The following PCDH20 variants were observed in gnomAD, a reference collection of about 807,000 sequenced individuals.
The protein encoded by PCDH20 is protocadherin-20.
A neutral mutation model predicts 39.7 loss-of-function variants in PCDH20; 18 were observed. The ratio of observed to expected loss-of-function variants is 0.45; its 90% CI spans 0.31 to 0.67. PCDH20 has a LOEUF of 0.67. PCDH20 is among the 30% of genes least tolerant of loss of function. The probability of loss-of-function intolerance (pLI) is 0.05; values close to 1 mark genes in which losing one functional copy is unlikely to be tolerated. For missense variants in PCDH20, 1,161 were observed against 1,167.4 expected (o/e 0.99, Z 0.08); for synonymous variants, 495 against 455.4 (o/e 1.09, Z -1.11).
exon 2 of PCDH20, chr13:61,411,341 G>A (rs748468345): frequency 3.1e-6 from 5 of 1,613,730 alleles, no homozygotes; most frequent in Non-Finnish European, 4.2e-6. Flanking sequence ...TCTTCCCTGG[G>A]ATGCTTTTCC....
chr13:61,413,914 T>C (rs1871479157), exon 2 of PCDH20: 1 of 1,613,138 alleles, frequency 6.2e-7, no homozygotes, highest in Non-Finnish European at 8.5e-7. Context: ...GGCCCGGCTG[T>C]AACTCCCGAG....
At chr13:61,414,931 A>C in intron 1 of PCDH20, 96 bp downstream of exon 1, 1 of 1,264,014 alleles carries the variant, frequency 7.9e-7, no homozygotes, top group Non-Finnish European at 1.0e-6. Context: ...TGAAGTTTAG[A>C]TAAAGGTAGA....
rs368043820 is a variant in PCDH20, at chr13:61,414,235, A to G, written c.133-269T>C. Among the ~76,000 whole-genome samples, 174 of 152,064 alleles carry G rather than the reference A, an allele frequency of 1.1e-3. 1 individual carries two copies. Among genetic ancestry groups the G allele is most frequent in the African/African-American group, 4.1e-3 (169 of 41,498 alleles). On this transcript the variant is annotated intron_variant, in intron 1 of 1. Transcript: ENST00000409204. ...TCCCCATCACCACCCTCATCCAGCT[A>G]ACATTCAGAATCCCAAACCGTAAAA...
At chr13:61,412,530 C>CACTTTAATG in exon 2 of PCDH20, 1 of 1,614,142 alleles carries the variant, frequency 6.2e-7, no homozygotes, top group Non-Finnish European at 8.5e-7. Context: ...CTAAAAGTTG[C>CACTTTAATG]ACTTTAATGA....
At chr13:61,414,093 A>G (rs1435820285) in intron 1 of PCDH20, 127 bp from the exon 2 acceptor site, 1 of 832,928 alleles carries the variant, frequency 1.2e-6, no homozygotes, top group Admixed American at 2.9e-5. Flanking sequence ...CTCTAATTAG[A>G]ACGGGGGCGG....
At chr13:61,411,952 T>A in exon 2 of PCDH20, 1 of 1,614,116 alleles carries the variant, frequency 6.2e-7, no homozygotes, top group Non-Finnish European at 8.5e-7. Context: ...CTCACCCCCA[T>A]CAACAGCTTC....
chr13:61,413,717 C>T, exon 2 of PCDH20: 3 of 1,613,924 alleles, frequency 1.9e-6, no homozygotes, highest in Non-Finnish European at 1.7e-6. Flanking sequence ...ACGTACTGGC[C>T]ACTCAGTCCC....
rs563568039 is a variant in PCDH20 at position 61,411,133 on chromosome 13, G to A, written c.*110C>T. 23 of 905,536 alleles carry A rather than the reference G, an allele frequency of 2.5e-5. No homozygotes were observed. In the South Asian group the frequency reaches 4.0e-4, roughly 16 times the overall value. The allele number at this position is 905,536 out of a possible 1,614,324, so 56.1% of individuals were successfully genotyped here. A position where few individuals can be genotyped will look rare whatever the true frequency, so the allele number is the denominator to read the frequency against. ...AACAGCTATTTACAATATAGAACAAGTTATAAATTAGTTGTCCTTCATTGG... is the reference window on the plus strand; with the variant it reads ...AACAGCTATTTACAATATAGAACAAATTATAAATTAGTTGTCCTTCATTGG... On this transcript the variant is annotated 3_prime_UTR_variant, in exon 2 of 2. Coordinates refer to ENST00000409204, the Ensembl canonical transcript of PCDH20.
rs377678377 is a variant in PCDH20, at chr13:61,411,775, C to T, written c.2324G>A (p.Gly775Asp). Residue 775 changes from glycine to aspartate, a missense_variant, in exon 2 of 2, where the codon GGC becomes GAC. Coordinates refer to ENST00000409204, the Ensembl canonical transcript of PCDH20. ...GCTGTAAGCTATGACAGCATTCATGCCTGTGTCTTTGTCGACAGCATAGAC... is the reference window on the plus strand; with the variant it reads ...GCTGTAAGCTATGACAGCATTCATGTCTGTGTCTTTGTCGACAGCATAGAC... 40 of 1,614,060 alleles carry T rather than the reference C, an allele frequency of 2.5e-5. No homozygotes were observed. Among genetic ancestry groups the T allele is most frequent in the Admixed American group, 3.3e-5 (2 of 59,998 alleles).
rs188990424 is a variant in PCDH20, at chr13:61,413,120, C to T, written c.979G>A (p.Val327Ile). ...ACTGTAGCATTCCCATACACAGTGACATTGATTTGTGAGTCTGTGAAGAGA... is the reference window on the plus strand; with the variant it reads ...ACTGTAGCATTCCCATACACAGTGATATTGATTTGTGAGTCTGTGAAGAGA... Residue 327 changes from valine to isoleucine, a missense_variant, in exon 2 of 2, where the codon GTC (valine) becomes ATC (isoleucine). Around this residue, in one of 3 missense-constraint regions of PCDH20, gnomAD observed 754 missense variants for 777.5 expected, o/e 0.97. Coordinates refer to ENST00000409204, the Ensembl canonical transcript of PCDH20. The T allele has an allele frequency of 2.4e-5, 39 of 1,614,154 alleles. No individual in the cohort carries two copies. The highest frequency in any genetic ancestry group is 3.1e-5 in the Non-Finnish European group (37 of 1,180,022).
At chr13:61,413,272 C>T in exon 2 of PCDH20, 1 of 1,614,122 alleles carries the variant, frequency 6.2e-7, no homozygotes, top group South Asian at 1.1e-5. Flanking sequence ...GTCCAAAGCA[C>T]CCATGACAAT....
At chr13:61,413,073 G>T (rs1871438396) in exon 2 of PCDH20, 3 of 1,614,178 alleles carry the variant, frequency 1.9e-6, no homozygotes, top group Non-Finnish European at 2.5e-6. Context: ...CCACAGCCTG[G>T]ACAGCTGCAA....
exon 2 of PCDH20, chr13:61,411,229 TCCA>T (rs769175967): frequency 1.9e-6 from 3 of 1,589,804 alleles, no homozygotes; most frequent in Non-Finnish European, 2.6e-6. Flanking sequence ...TCTGTGTTAT[TCCA>T]CCATGAAATA....
intron 1 of PCDH20, among the ~76,000 whole-genome samples, chr13:61,414,789 G>C (rs9570571): frequency 0.33 from 49,760 of 151,962 alleles, 8,367 homozygotes; most frequent in East Asian, 0.57. Context: ...CACCCCCGAT[G>C]CCCTCGACCT....
chr13:61,411,781 T>A, exon 2 of PCDH20: 1 of 1,614,176 alleles, frequency 6.2e-7, no homozygotes, highest in Non-Finnish European at 8.5e-7. Context: ...CATGCCTGTG[T>A]CTTTGTCGAC....
chr13:61,411,930 G>A lies in PCDH20; in HGVS notation c.2169C>T (p.Ser723=), dbSNP rs537037637. ...GGAGAATTGTGATTTTTGCTGTAGA[G>A]GAGAGGGCAGGCTCACCCCCATCAA... The change falls in exon 2 of 2, where the codon TCC becomes TCT. Residue 723 remains serine (S), a synonymous_variant. Transcript: ENST00000409204. The A allele has an allele frequency of 6.8e-4, 1,090 of 1,614,090 alleles. 16 individuals are homozygous for A. The South Asian group carries it at 0.011, about 16-fold the overall frequency.
chr13:61,415,178 A>G lies in PCDH20; in HGVS notation c.-20T>C, dbSNP rs1210291808. ...GCGCATTCCCTGGGAGGCTGCAGTC[A>G]GAGCGCTCTTGAAGGGAGGGCGGCA... On this transcript the variant is annotated 5_prime_UTR_variant, in exon 1 of 2. The change abolishes the stop of an existing upstream ORF in the 5' untranslated region. Coordinates refer to ENST00000409204, the Ensembl canonical transcript of PCDH20. 4.3e-6 allele frequency: 6 copies of G among 1,398,080 alleles called. No homozygotes were observed. Among genetic ancestry groups the G allele is most frequent in the Non-Finnish European group, 5.7e-6 (6 of 1,061,282 alleles). The allele number at this position is 1,398,080 out of a possible 1,614,324, so 86.6% of individuals were successfully genotyped here.
At chr13:61,414,052 C>A in intron 1 of PCDH20, 86 bp from the exon 2 acceptor site, 1 of 1,224,918 alleles carries the variant, frequency 8.2e-7, no homozygotes, top group Non-Finnish European at 1.1e-6. Context: ...GTGATCCTTG[C>A]TGTCCCCATC....
exon 2 of PCDH20, chr13:61,412,195 T>C (rs1566222446): frequency 6.2e-7 from 1 of 1,614,174 alleles, no homozygotes; most frequent in Non-Finnish European, 8.5e-7. Flanking sequence ...CCGAGGACTG[T>C]TGTCATTTTT....
Sources: allele counts gnomAD v4.1 joint callset (sites outside exome capture counted in the v4.1 genomes callset), GRCh38; gene constraint gnomAD v4.1.1; regional missense constraint gnomAD v4.1.1; transcripts MANE v1.5; gene names NCBI Gene and HGNC (gene_info 2026-07-23, HGNC 2026-07-21).